Variants in ASAP1 observed in about 807,000 individuals in gnomAD.
The protein encoded by ASAP1 is arf-GAP with SH3 domain, ANK repeat and PH domain-containing protein 1.
In ASAP1, 43 loss-of-function variants were observed where a neutral mutation model predicts 145.2. The ratio of observed to expected loss-of-function variants is 0.30; its 90% CI spans 0.23 to 0.38. The LOEUF (loss-of-function observed/expected upper bound fraction) is 0.38, where lower values mean the gene tolerates loss of function less well. Ranked by LOEUF, ASAP1 falls within the 10% of genes least tolerant of loss-of-function variation. The probability of loss-of-function intolerance (pLI) is 1.00; values close to 1 mark genes in which losing one functional copy is unlikely to be tolerated. For synonymous variants in ASAP1, 546 were observed against 515.5 expected (o/e 1.06, Z -0.80); for missense variants, 1,018 against 1,355.3 (o/e 0.75, Z 3.91).
intron 3 of ASAP1, among the ~76,000 whole-genome samples, chr8:130,357,488 G>C (rs1826395149): frequency 6.6e-6 from 1 of 152,250 alleles, no homozygotes; most frequent in African/African-American, 2.4e-5. Context: ...GACTCCTGGA[G>C]TGGATACAGT....
chr8:130,274,987 G>A (rs1820795217), intron 3 of ASAP1, among the ~76,000 whole-genome samples: 1 of 152,170 alleles, frequency 6.6e-6, no homozygotes, highest in East Asian at 1.9e-4. Context: ...AGACTCTTGA[G>A]ACTGTAGCTC....
At chr8:130,187,313 T>C (rs776303335) in intron 6 of ASAP1, 28 bp from the exon 7 acceptor site, 1 of 1,563,968 alleles carries the variant, frequency 6.4e-7, no homozygotes, top group Non-Finnish European at 8.8e-7. Flanking sequence ...GAGATTAAAA[T>C]TGCAACTACT....
chr8:130,141,889 T>C (rs1049034650), intron 13 of ASAP1, among the ~76,000 whole-genome samples: 1 of 151,896 alleles, frequency 6.6e-6, no homozygotes, highest in Non-Finnish European at 1.5e-5. Context: ...GACTAATTTT[T>C]TAAATTTTTG....
intron 3 of ASAP1, among the ~76,000 whole-genome samples, chr8:130,281,823 T>C (rs946086606): frequency 6.6e-6 from 1 of 152,138 alleles, no homozygotes; most frequent in African/African-American, 2.4e-5. Context: ...TCCCAGCACT[T>C]CGAGAAAACA....
chr8:130,108,113 A>G (rs991490828), intron 24 of ASAP1, among the ~76,000 whole-genome samples: 12 of 152,228 alleles, frequency 7.9e-5, no homozygotes, highest in Non-Finnish European at 1.3e-4. Flanking sequence ...ACAAGCATCT[A>G]TTGACGCTCT....
chr8:130,144,811 AACATTTATC>A (rs1416929629), intron 13 of ASAP1, among the ~76,000 whole-genome samples: 1 of 152,166 alleles, frequency 6.6e-6, no homozygotes, highest in Non-Finnish European at 1.5e-5. Context: ...TTTTTTGTCA[AACATTTATC>A]ACTGTATCTC....
At chr8:130,267,151 C>CA (rs1191920384) in intron 3 of ASAP1, among the ~76,000 whole-genome samples, 6 of 143,356 alleles carry the variant, frequency 4.2e-5, no homozygotes, top group African/African-American at 7.5e-5. Context: ...AAAAACAAAA[C>CA]AAAAAAAAAC....
intron 4 of ASAP1, among the ~76,000 whole-genome samples, chr8:130,222,780 T>C (rs937703119): frequency 6.6e-6 from 1 of 152,238 alleles, no homozygotes; most frequent in African/African-American, 2.4e-5. Context: ...GTTCACAATT[T>C]AGAAACTGGT....
chr8:130,072,171 A>T (rs1051495240), intron 27 of ASAP1, among the ~76,000 whole-genome samples: 1 of 152,234 alleles, frequency 6.6e-6, no homozygotes, highest in Non-Finnish European at 1.5e-5. Flanking sequence ...GAGCCTCTGG[A>T]GAGCTGACCA....
At chr8:130,373,316 A>G (rs1255173001) in intron 2 of ASAP1, among the ~76,000 whole-genome samples, 1 of 152,074 alleles carries the variant, frequency 6.6e-6, no homozygotes, top group East Asian at 1.9e-4. Context: ...TTCTCTTACC[A>G]TACTCAAAAT....
At position 130,219,273 on chromosome 8, in the gene ASAP1, C is replaced by T. The variant is rs571527377; in HGVS notation, c.260-4572G>A. ...AAGATCACACACATGTCCCCTAACACACACACACTTGTGTACAAAATTAAG... is the reference window on the plus strand; with the variant it reads ...AAGATCACACACATGTCCCCTAACATACACACACTTGTGTACAAAATTAAG... On this transcript the variant is annotated intron_variant, in intron 4 of 29. Coordinates refer to ENST00000518721, the MANE Select transcript of ASAP1 (RefSeq NM_018482.4). 8.3e-5 allele frequency among the ~76,000 whole-genome samples: 11 copies of T among 133,012 alleles called. No homozygotes were observed. In the South Asian group the frequency reaches 3.3e-3, roughly 40 times the overall value. The allele number at this position is 133,012 out of a possible 152,430, so 87.3% of individuals were successfully genotyped here.
chr8:130,099,854 A>C (rs2097525624), intron 24 of ASAP1, among the ~76,000 whole-genome samples: 1 of 151,812 alleles, frequency 6.6e-6, no homozygotes, highest in African/African-American at 2.4e-5. Flanking sequence ...GATTTCATTC[A>C]TTTTTATGGG....
intron 27 of ASAP1, among the ~76,000 whole-genome samples, chr8:130,061,929 C>T (rs532943355): frequency 7.9e-5 from 12 of 152,294 alleles, no homozygotes; most frequent in African/African-American, 2.2e-4. Context: ...TTTAGCTCCA[C>T]CACTTACTAG....
chr8:130,442,930 G>A (rs1009140779), intron 1 of ASAP1, among the ~76,000 whole-genome samples: 4 of 152,122 alleles, frequency 2.6e-5, no homozygotes, highest in Admixed American at 6.5e-5. Context: ...CTCCAAGTAG[G>A]ACTCCCCCCA....
chr8:130,346,496 G>T (rs1036169287), intron 3 of ASAP1, among the ~76,000 whole-genome samples: 2 of 152,162 alleles, frequency 1.3e-5, no homozygotes, highest in African/African-American at 4.8e-5. Flanking sequence ...CATAAATTGA[G>T]TTGAATCCTT....
chr8:130,196,342 C>CAA (rs11421234), intron 5 of ASAP1, among the ~76,000 whole-genome samples: 157 of 131,164 alleles, frequency 1.2e-3, no homozygotes, highest in African/African-American at 3.1e-3. Context: ...AACTCCATCT[C>CAA]AAAAAAAAAA....
At chr8:130,417,835 C>A (rs954727676) in intron 1 of ASAP1, among the ~76,000 whole-genome samples, 1 of 151,880 alleles carries the variant, frequency 6.6e-6, no homozygotes, top group African/African-American at 2.4e-5. Flanking sequence ...AGGCTTACAT[C>A]CAGACACAAT....
intron 3 of ASAP1, among the ~76,000 whole-genome samples, chr8:130,260,566 T>A (rs1819832043): frequency 6.6e-6 from 1 of 152,196 alleles, no homozygotes; most frequent in Non-Finnish European, 1.5e-5. Flanking sequence ...CAGGACTAAA[T>A]CTGGGTGTGG....
chr8:130,417,665 G>C (rs1320583755), intron 1 of ASAP1, among the ~76,000 whole-genome samples: 1 of 151,962 alleles, frequency 6.6e-6, no homozygotes, highest in African/African-American at 2.4e-5. Flanking sequence ...TGACAAAACT[G>C]ACAAGTCCAG....
Sources: allele counts gnomAD v4.1 joint callset (sites outside exome capture counted in the v4.1 genomes callset), GRCh38; gene constraint gnomAD v4.1.1; transcripts MANE v1.5; gene names NCBI Gene and HGNC (gene_info 2026-07-23, HGNC 2026-07-21).